The following DNAI4 variants were observed in gnomAD, a reference collection of about 807,000 sequenced individuals.
DNAI4 encodes WD repeat domain 78.
Under a neutral mutation model 105.8 loss-of-function variants are expected in DNAI4, and 85 were observed. The ratio of observed to expected loss-of-function variants is 0.80; its 90% CI spans 0.67 to 0.96. The LOEUF is 0.96. Ranked by LOEUF, DNAI4 falls within the 40% of genes least tolerant of loss-of-function variation. DNAI4 has a pLI of 0.00. For missense variants in DNAI4, 1,014 were observed against 1,005.6 expected (o/e 1.01, Z -0.11); for synonymous variants, 352 against 331.5 (o/e 1.06, Z -0.67).
chr1:66,884,275 T>C (rs147466191), intron 4 of DNAI4, among the ~76,000 whole-genome samples: 114 of 152,334 alleles, frequency 7.5e-4, no homozygotes, highest in African/African-American at 2.6e-3. Flanking sequence ...CTGTGAATAG[T>C]GCTGCAATGA....
intron 4 of DNAI4, among the ~76,000 whole-genome samples, chr1:66,887,897 T>C (rs1188919651): frequency 6.6e-6 from 1 of 151,758 alleles, no homozygotes; most frequent in Non-Finnish European, 1.5e-5. Context: ...AAGCAGAGGT[T>C]GTAGTGAGCC....
At chr1:66,826,480 T>C (rs1303163603) in intron 15 of DNAI4, among the ~76,000 whole-genome samples, 2 of 152,100 alleles carry the variant, frequency 1.3e-5, no homozygotes, top group East Asian at 3.9e-4. Context: ...TGTATTTTGG[T>C]AGAGATGGGG....
chr1:66,893,980 C>T (rs1424116201), intron 2 of DNAI4, among the ~76,000 whole-genome samples: 1 of 152,132 alleles, frequency 6.6e-6, no homozygotes. Flanking sequence ...TATAAACAAA[C>T]CTACTGCACT....
chr1:66,816,664 AT>A (rs1553207542), intron 16 of DNAI4, among the ~76,000 whole-genome samples: 1 of 151,756 alleles, frequency 6.6e-6, no homozygotes, highest in Non-Finnish European at 1.5e-5. Flanking sequence ...TCCAAAAATT[AT>A]ATTTATTTAC....
intron 4 of DNAI4, among the ~76,000 whole-genome samples, chr1:66,880,017 G>T (rs959514813): frequency 9.9e-5 from 15 of 151,210 alleles, no homozygotes; most frequent in Admixed American, 8.6e-4. Context: ...GATAGTGAAT[G>T]AGTCTCACAA....
intron 4 of DNAI4, among the ~76,000 whole-genome samples, chr1:66,878,730 C>T (rs962385795): frequency 6.6e-6 from 1 of 152,136 alleles, no homozygotes; most frequent in Admixed American, 6.5e-5. Flanking sequence ...CCCACTCCAA[C>T]AATGGTGAGT....
At chr1:66,872,454 C>A (rs1231148521) in intron 5 of DNAI4, among the ~76,000 whole-genome samples, 1 of 151,952 alleles carries the variant, frequency 6.6e-6, no homozygotes, top group East Asian at 1.9e-4. Flanking sequence ...CTCATGAACT[C>A]CTGACCTCAG....
intron 4 of DNAI4, among the ~76,000 whole-genome samples, chr1:66,876,776 T>A (rs1646966907): frequency 6.6e-6 from 1 of 152,116 alleles, no homozygotes; most frequent in African/African-American, 2.4e-5. Context: ...ATTCTATCAA[T>A]CTGTTTTGCC....
chr1:66,886,514 C>T (rs563128848), intron 4 of DNAI4, among the ~76,000 whole-genome samples: 1 of 152,270 alleles, frequency 6.6e-6, no homozygotes, highest in East Asian at 1.9e-4. Context: ...GTTGTTTTAG[C>T]TACAGGTATC....
chr1:66,829,176 T>C (rs1645816360), intron 13 of DNAI4, among the ~76,000 whole-genome samples: 1 of 152,178 alleles, frequency 6.6e-6, no homozygotes, highest in African/African-American at 2.4e-5. Context: ...AGATATTTTA[T>C]ATATGCCCCC....
Position 66,922,305 on chromosome 1 carries a change from G to A in DNAI4, c.170+2357C>T, listed in dbSNP as rs542895743. On this transcript the variant is annotated intron_variant, in intron 1 of 16. Transcript: ENST00000371026. ...AAGGTGAAGTATTATTACTTTATAT[G>A]GGGTGGTAAAGGACTCTTTGACACA... Among the ~76,000 whole-genome samples, 6 of 128,842 alleles carry A rather than the reference G, an allele frequency of 4.7e-5. No individual in the cohort carries two copies. In the Admixed American group the frequency reaches 5.2e-4, roughly 11 times the overall value. 84.5% of individuals were successfully genotyped at this position (128,842 alleles called of 152,430 possible).
Position 66,890,931 on chromosome 1 carries a change from T to C in DNAI4, c.643+223A>G, listed in dbSNP as rs1488927023. ...GCAGCAGCAGAAGCAGCAGCTGAGC[T>C]CTAACACAAAGCGCCATTGGTTCCT... On this transcript the variant is annotated intron_variant, in intron 4 of 16. Transcript: ENST00000371026. This position sits in a 1 kb window ranked among gnomAD's most constrained non-coding sequence, Gnocchi z 4.1. 7 of 562,200 alleles carry C rather than the reference T, an allele frequency of 1.2e-5. No individual in the cohort carries two copies. The highest frequency in any genetic ancestry group is 3.0e-5 in the Admixed American group (1 of 33,082). The allele number at this position is 562,200 out of a possible 1,614,324, so 34.8% of individuals were successfully genotyped here.
At chr1:66,891,466 T>C (rs1014568909) in intron 3 of DNAI4, among the ~76,000 whole-genome samples, 200 bp from the exon 4 acceptor site, 2 of 152,200 alleles carry the variant, frequency 1.3e-5, no homozygotes, top group Admixed American at 6.6e-5. Flanking sequence ...TATTTGTATC[T>C]TTATTTATTT....
At position 66,826,957 on chromosome 1, in the gene DNAI4, C is replaced by T. The variant is rs571439666; in HGVS notation, c.2202G>A (p.Gln734=). The T allele has an allele frequency of 1.2e-6, 2 of 1,614,124 alleles. No individual in the cohort carries two copies. The highest frequency in any genetic ancestry group is 1.7e-5 in the Admixed American group (1 of 60,024). The change falls in exon 15 of 17, where the codon CAG becomes CAA. Residue 734 remains glutamine, a synonymous_variant. Transcript: ENST00000371026. ...AACTCAAAGATGGCTTGACATTCTCCTGTTGCCATATAATAACACCCCAAT... is the reference window on the plus strand; with the variant it reads ...AACTCAAAGATGGCTTGACATTCTCTTGTTGCCATATAATAACACCCCAAT... ...SADWGVIIWQ[Q]ENVKPSLSFY... is the part of the protein sequence containing the mutation.
chr1:66,862,809 A>C (rs1282821455), intron 6 of DNAI4, among the ~76,000 whole-genome samples: 1 of 152,182 alleles, frequency 6.6e-6, no homozygotes, highest in Non-Finnish European at 1.5e-5. Context: ...TCTACAGCAT[A>C]ATCTCATTGG....
At chr1:66,840,999 A>G (rs1424693590) in intron 8 of DNAI4, among the ~76,000 whole-genome samples, 1 of 152,262 alleles carries the variant, frequency 6.6e-6, no homozygotes, top group Non-Finnish European at 1.5e-5. Flanking sequence ...AAAAGGTGCC[A>G]GGTACAACTT....
chr1:66,829,614 A>G (rs1486432033), intron 13 of DNAI4, among the ~76,000 whole-genome samples: 8 of 152,226 alleles, frequency 5.3e-5, no homozygotes, highest in African/African-American at 1.9e-4. Flanking sequence ...CAAATCTACA[A>G]TTATGGTTGG....
At chr1:66,902,292 A>G (rs1417912356) in intron 2 of DNAI4, among the ~76,000 whole-genome samples, 1 of 151,818 alleles carries the variant, frequency 6.6e-6, no homozygotes, top group Non-Finnish European at 1.5e-5. Flanking sequence ...TGTGATTTTG[A>G]TTTGCATTTC....
chr1:66,889,274 C>G (rs1647390483), intron 4 of DNAI4, among the ~76,000 whole-genome samples: 1 of 152,182 alleles, frequency 6.6e-6, no homozygotes, highest in South Asian at 2.1e-4. Flanking sequence ...AGCGGAATGG[C>G]TTCTGGGAAA....
Sources: allele counts gnomAD v4.1 joint callset (sites outside exome capture counted in the v4.1 genomes callset), GRCh38; gene constraint gnomAD v4.1.1; non-coding constraint Gnocchi (gnomAD v3.1); transcripts MANE v1.5; gene names NCBI Gene and HGNC (gene_info 2026-07-23, HGNC 2026-07-21).